The following TBC1D16 variants were observed in gnomAD, a reference collection of about 807,000 sequenced individuals.
TBC1D16 encodes CTD-2529O21.1.
Under a neutral mutation model 74.7 loss-of-function variants are expected in TBC1D16, and 58 were observed. The observed-to-expected ratio is 0.78, with a 90% CI of 0.63 to 0.97. TBC1D16 has a LOEUF of 0.97. Ranked by LOEUF, TBC1D16 falls within the 50% of genes least tolerant of loss-of-function variation. The probability of loss-of-function intolerance (pLI) is 0.00; values close to 1 mark genes in which losing one functional copy is unlikely to be tolerated. For synonymous variants in TBC1D16, 493 were observed against 474.7 expected (o/e 1.04, Z -0.50); for missense variants, 1,014 against 1,079.5 (o/e 0.94, Z 0.85).
chr17:79,987,531 G>C lies in TBC1D16; in HGVS notation c.779+22629C>G. 6.6e-6 allele frequency among the ~76,000 whole-genome samples: 1 copy of C among 152,146 alleles called. No individual in the cohort carries two copies. Among genetic ancestry groups the C allele is most frequent in the Non-Finnish European group, 1.5e-5 (1 of 68,022 alleles). On this transcript the variant is annotated intron_variant, in intron 3 of 11. Transcript: ENST00000310924. This position sits in a 1 kb window ranked among gnomAD's most constrained non-coding sequence, Gnocchi z 5.2. ...CAAAGTGCTAGGATTACAGGCATGA[G>C]TCATCATGCCTGACCTATTTTTAAA...
At chr17:80,015,808 C>T (rs113185939) in intron 1 of TBC1D16, among the ~76,000 whole-genome samples, 64 of 152,108 alleles carry the variant, frequency 4.2e-4, no homozygotes, top group African/African-American at 1.3e-3. Flanking sequence ...GTCAGGAGTT[C>T]GAGATCAGCC....
In TBC1D16 at chr17:79,990,936, G is replaced by A. The variant is rs756775188; in HGVS notation, c.779+19224C>T. Among the ~76,000 whole-genome samples the A allele has an allele frequency of 1.1e-4, 16 of 152,234 alleles. No individual in the cohort carries two copies. The highest frequency in any genetic ancestry group is 2.1e-4 in the South Asian group (1 of 4,832). On this transcript the variant is annotated intron_variant, in intron 3 of 11. Coordinates refer to ENST00000310924, the MANE Select transcript of TBC1D16 (RefSeq NM_019020.4). This position sits in a 1 kb window ranked among gnomAD's most constrained non-coding sequence, Gnocchi z 4.8. ...CAGAATTGCCTTCCCAAGGCTGAACGTTCCGCTGGGTGTGTGTGGAACATG... is the reference window on the plus strand; with the variant it reads ...CAGAATTGCCTTCCCAAGGCTGAACATTCCGCTGGGTGTGTGTGGAACATG...
chr17:79,937,217 T>C lies in TBC1D16; in HGVS notation c.*3642A>G, dbSNP rs2031673382. On this transcript the variant is annotated 3_prime_UTR_variant, in exon 12 of 12. Coordinates refer to ENST00000310924, the MANE Select transcript of TBC1D16 (RefSeq NM_019020.4). Reference sequence around the variant, plus strand: ...ATCTAGGGGCTGTGCCCCACATCTATTTCTGCCAAACAAGAAGCAGACGAG... The same window carrying C: ...ATCTAGGGGCTGTGCCCCACATCTACTTCTGCCAAACAAGAAGCAGACGAG... The C allele has an allele frequency of 6.6e-6, 1 of 152,474 alleles. No individual in the cohort carries two copies. The highest frequency in any genetic ancestry group is 1.5e-5 in the Non-Finnish European group (1 of 68,314). The allele number at this position is 152,474 out of a possible 1,614,324, so 9.4% of individuals were successfully genotyped here.
At chr17:79,955,961 T>C (rs1315521788) in intron 3 of TBC1D16, among the ~76,000 whole-genome samples, 1 of 152,166 alleles carries the variant, frequency 6.6e-6, no homozygotes, top group Non-Finnish European at 1.5e-5. Context: ...TTTTGACCAA[T>C]AGAATGTGGC....
At chr17:79,992,238 C>G (rs1195258472) in intron 3 of TBC1D16, 1 of 152,446 alleles carries the variant, frequency 6.6e-6, no homozygotes, top group Non-Finnish European at 1.5e-5. Context: ...CCACACTCCG[C>G]TGCTGTTCTT....
intron 1 of TBC1D16, among the ~76,000 whole-genome samples, chr17:80,022,706 G>A (rs2036327682): frequency 6.7e-6 from 1 of 148,372 alleles, no homozygotes; most frequent in South Asian, 2.1e-4. Context: ...GCACAATCTT[G>A]GCTCACTGCA....
intron 3 of TBC1D16, among the ~76,000 whole-genome samples, chr17:79,991,375 G>C (rs1207266848): frequency 6.6e-6 from 1 of 152,154 alleles, no homozygotes; most frequent in African/African-American, 2.4e-5. Context: ...GCGAGGTGGG[G>C]TGGGGTGAGG....
At chr17:80,019,439 A>ACCCCCCCC (rs71163907) in intron 1 of TBC1D16, among the ~76,000 whole-genome samples, 2 of 135,782 alleles carry the variant, frequency 1.5e-5, no homozygotes, top group Non-Finnish European at 3.1e-5. Flanking sequence ...CACCAGGACA[A>ACCCCCCCC]CCCCCCCCCG....
chr17:79,997,574 C>G (rs1257656536), intron 3 of TBC1D16, among the ~76,000 whole-genome samples: 2 of 152,126 alleles, frequency 1.3e-5, no homozygotes, highest in East Asian at 1.9e-4. Flanking sequence ...AATAGACTTT[C>G]TTTTTTAGAG....
rs954904261 is a variant in TBC1D16 at position 79,990,282 on chromosome 17, C to G, written c.779+19878G>C. On this transcript the variant is annotated intron_variant, in intron 3 of 11. Transcript: ENST00000310924. This position sits in a 1 kb window ranked among gnomAD's most constrained non-coding sequence, Gnocchi z 4.8. ...TGACGGGTCTCGGGCGCCCAGCCAGCGAGGGGCCGGCTCCAGGTGGTGGGA... is the reference window on the plus strand; with the variant it reads ...TGACGGGTCTCGGGCGCCCAGCCAGGGAGGGGCCGGCTCCAGGTGGTGGGA... Among the ~76,000 whole-genome samples, 1 of 152,230 alleles carries G rather than the reference C, an allele frequency of 6.6e-6. No individual in the cohort carries two copies. Among genetic ancestry groups the G allele is most frequent in the African/African-American group, 2.4e-5 (1 of 41,462 alleles).
At chr17:80,032,307 G>A (rs912515145) in intron 1 of TBC1D16, among the ~76,000 whole-genome samples, 2 of 152,170 alleles carry the variant, frequency 1.3e-5, no homozygotes, top group East Asian at 1.9e-4. Context: ...CAGACTCACC[G>A]CCCAAGGCTC....
chr17:79,940,849 G>A lies in TBC1D16; in HGVS notation c.*10C>T, dbSNP rs769600969. ...TCCCCTCAACCCCTGTCCGGTGTCG[G>A]GGGCCCGACCTATCTGCGGAAGCCG... On this transcript the variant is annotated 3_prime_UTR_variant, in exon 12 of 12. Transcript: ENST00000310924. The surrounding 1 kb of genome is among the most constrained non-coding windows in gnomAD (Gnocchi z 5.4). 1.3e-6 allele frequency: 2 copies of A among 1,524,002 alleles called. No homozygotes were observed. The highest frequency in any genetic ancestry group is 1.9e-5 in the Admixed American group (1 of 52,580). The allele number at this position is 1,524,002 out of a possible 1,614,324, so 94.4% of individuals were successfully genotyped here. A position where few individuals can be genotyped will look rare whatever the true frequency, so the allele number is the denominator to read the frequency against.
intron 1 of TBC1D16, among the ~76,000 whole-genome samples, chr17:80,028,016 T>C (rs1160768002): frequency 2.0e-5 from 3 of 152,002 alleles, no homozygotes; most frequent in Non-Finnish European, 4.4e-5. Flanking sequence ...CCTTGTTGGT[T>C]TGTGTTTTCA....
chr17:79,982,170 C>T (rs1178033336), intron 3 of TBC1D16, among the ~76,000 whole-genome samples: 1 of 148,888 alleles, frequency 6.7e-6, no homozygotes, highest in Non-Finnish European at 1.5e-5. Flanking sequence ...TTTTTGAGAC[C>T]GAGTCTCACT....
rs575621819 is a variant in TBC1D16 at position 79,949,852 on chromosome 17, C to T, written c.1271G>A (p.Gly424Asp). 1.9e-6 allele frequency: 3 copies of T among 1,613,050 alleles called. No individual in the cohort carries two copies. The Admixed American group carries it at 5.0e-5, about 27-fold the overall frequency. Residue 424 changes from glycine to aspartate, a missense_variant, in exon 7 of 12, where the codon GGC (glycine) becomes GAC (aspartate). By Grantham distance (94) the Gly-to-Asp change is moderately conservative. Transcript: ENST00000310924. ...CCCGCGGATTGACACATCAATACCGCCAAAGAAAATGGCCTGGAGGAAGCG... is the reference window on the plus strand; with the variant it reads ...CCCGCGGATTGACACATCAATACCGTCAAAGAAAATGGCCTGGAGGAAGCG... ...EYKLRKAIFF[G>D]GIDVSIRGEV... is the part of the protein sequence containing the mutation.
chr17:79,961,574 A>C lies in TBC1D16; in HGVS notation c.780-8756T>G, dbSNP rs944973591. Among the ~76,000 whole-genome samples the C allele has an allele frequency of 1.4e-4, 21 of 152,264 alleles. No individual in the cohort carries two copies. The highest frequency in any genetic ancestry group is 2.6e-4 in the Admixed American group (4 of 15,288). ...GTAACAGCTTTATCTAAAATAGCTA[A>C]GAACTGGCCAGGCACAGTGGCTCAC... On this transcript the variant is annotated intron_variant, in intron 3 of 11. Coordinates refer to ENST00000310924, the MANE Select transcript of TBC1D16 (RefSeq NM_019020.4). This position sits in a 1 kb window ranked among gnomAD's most constrained non-coding sequence, Gnocchi z 4.8.
rs746450905 is a variant in TBC1D16, at chr17:79,960,779, C to CAAAAAAAAAAAAAAAAAA, written c.780-7979_780-7962dup. On this transcript the variant is annotated intron_variant, in intron 3 of 11. Coordinates refer to ENST00000310924, the MANE Select transcript of TBC1D16 (RefSeq NM_019020.4). ...CAAAAAAACCCAAAAAACAAAAACC[C>CAAAAAAAAAAAAAAAAAA]AAAAAAAAAAAAAAAAAAAAAAAAA... Among the ~76,000 whole-genome samples the CAAAAAAAAAAAAAAAAAA allele has an allele frequency of 8.1e-3, 275 of 33,930 alleles. 80 individuals are homozygous for CAAAAAAAAAAAAAAAAAA. The highest frequency in any genetic ancestry group is 0.056 in the Middle Eastern group (2 of 36). The allele number at this position is 33,930 out of a possible 152,430, so 22.3% of individuals were successfully genotyped here. A position where few individuals can be genotyped will look rare whatever the true frequency, so the allele number is the denominator to read the frequency against.
In TBC1D16 at chr17:79,983,092, C is replaced by T. The variant is rs971748563; in HGVS notation, c.779+27068G>A. Among the ~76,000 whole-genome samples the T allele has an allele frequency of 1.2e-4, 19 of 152,282 alleles. No homozygotes were observed. Among genetic ancestry groups the T allele is most frequent in the African/African-American group, 3.1e-4 (13 of 41,562 alleles). On this transcript the variant is annotated intron_variant, in intron 3 of 11. Coordinates refer to ENST00000310924, the MANE Select transcript of TBC1D16 (RefSeq NM_019020.4). This position sits in a 1 kb window ranked among gnomAD's most constrained non-coding sequence, Gnocchi z 5.6. ...CACAGACGTGTTCATCAAGGACAAG[C>T]GGGAAGCCGGGAACAGCTCCATGTC...
intron 1 of TBC1D16, 69 bp from the exon 2 acceptor site, chr17:80,013,678 C>T (rs1321683028): frequency 2.6e-5 from 25 of 973,836 alleles, no homozygotes; most frequent in East Asian, 8.4e-5. Context: ...CAGTACGTGT[C>T]GCCTCGGCAC....
Sources: allele counts gnomAD v4.1 joint callset (sites outside exome capture counted in the v4.1 genomes callset), GRCh38; gene constraint gnomAD v4.1.1; non-coding constraint Gnocchi (gnomAD v3.1); transcripts MANE v1.5; gene names NCBI Gene and HGNC (gene_info 2026-07-23, HGNC 2026-07-21).